Variants in C9orf57 observed in about 807,000 individuals in gnomAD.
The protein encoded by C9orf57 is uncharacterized protein C9orf57.
Under a neutral mutation model 12.9 loss-of-function variants are expected in C9orf57, and 12 were observed. The ratio of observed to expected loss-of-function variants is 0.93; its 90% CI spans 0.60 to 1.51. The LOEUF (loss-of-function observed/expected upper bound fraction) is 1.51, where lower values mean the gene tolerates loss of function less well. Ranked by LOEUF, C9orf57 falls within the 40% of genes most tolerant of loss-of-function variation. The pLI is 0.00. For synonymous variants in C9orf57, 49 were observed against 57.1 expected (o/e 0.86, Z 0.64); for missense variants, 141 against 162.8 (o/e 0.87, Z 0.73).
At chr9:72,059,480 A>G in intron 1 of C9orf57, 96 bp from the exon 2 acceptor site, 2 of 1,368,002 alleles carry the variant, frequency 1.5e-6, no homozygotes, top group Non-Finnish European at 2.0e-6. Context: ...AATATAAATA[A>G]GTTTATTTTG....
intron 1 of C9orf57, 69 bp from the exon 2 acceptor site, chr9:72,059,453 A>G (rs1350161668): frequency 2.8e-6 from 4 of 1,454,112 alleles, no homozygotes; most frequent in Non-Finnish European, 3.7e-6. Flanking sequence ...GTTAAGTTTT[A>G]TTGATTTCAT....
chr9:72,059,283 C>T lies in C9orf57; in HGVS notation c.49G>A (p.Val17Ile). Residue 17 changes from valine (V) to isoleucine (I), a missense_variant, in exon 2 of 5, where the codon GTT becomes ATT. Physicochemically the swap from Val to Ile is conservative, Grantham distance 29. Coordinates refer to ENST00000651200, the MANE Select transcript of C9orf57 (RefSeq NM_001128618.2). ...AGVILFRLLG[V>I]ILFRLLGVIL... ...ACACCTAAGAGGCGGAATAAGATAA[C>T]ACCTAAGAGGCGGAATAAGATAACA... 1 of 1,551,746 alleles carries T rather than the reference C, an allele frequency of 6.4e-7. No individual in the cohort carries two copies. The highest frequency in any genetic ancestry group is 8.7e-7 in the Non-Finnish European group (1 of 1,147,000).
intron 1 of C9orf57, 68 bp from the exon 2 acceptor site, chr9:72,059,452 T>C: frequency 6.8e-7 from 1 of 1,476,846 alleles, no homozygotes; most frequent in Non-Finnish European, 9.1e-7. Context: ...GGTTAAGTTT[T>C]ATTGATTTCA....
In C9orf57 at chr9:72,052,409, C is replaced by T; in HGVS notation, c.307G>A (p.Gly103Ser). Reference sequence around the variant, plus strand: ...CACTCTGATGTGTTCTTTGTGCAGCCTTTGACTGAATACCATTGAATGCCA... The same window carrying T: ...CACTCTGATGTGTTCTTTGTGCAGCTTTTGACTGAATACCATTGAATGCCA... ...QGGIQWYSVK[G>S]CTKNTSECFK... is the part of the protein sequence containing the mutation. Residue 103 changes from glycine (G) to serine (S), a missense_variant, in exon 5 of 5, where the codon GGC (glycine) becomes AGC (serine). Transcript: ENST00000651200. 6.4e-7 allele frequency: 1 copy of T among 1,552,190 alleles called. No homozygotes were observed. The highest frequency in any genetic ancestry group is 2.4e-5 in the East Asian group (1 of 40,902).
At position 72,060,238 on chromosome 9, in the gene C9orf57, G is replaced by T. The variant is rs144001757; in HGVS notation, c.-54+259C>A. Among the ~76,000 whole-genome samples, 579 of 152,148 alleles carry T rather than the reference G, an allele frequency of 3.8e-3. 3 individuals carry two copies. Among genetic ancestry groups the T allele is most frequent in the African/African-American group, 0.013 (556 of 41,504 alleles). ...ATTTTTGTATTTTTAGTAAAGACGG[G>T]GTTTCACCATGTTGGCCAGGATGGT... On this transcript the variant is annotated intron_variant, in intron 1 of 4. Coordinates refer to ENST00000651200, the MANE Select transcript of C9orf57 (RefSeq NM_001128618.2).
At chr9:72,060,186 A>G (rs998205764) in intron 1 of C9orf57, among the ~76,000 whole-genome samples, 5 of 152,104 alleles carry the variant, frequency 3.3e-5, no homozygotes, top group African/African-American at 9.7e-5. Flanking sequence ...AGCTGGGATT[A>G]CAGGCGCATG....
intron 2 of C9orf57, among the ~76,000 whole-genome samples, chr9:72,058,586 C>T (rs904122516): frequency 2.0e-5 from 3 of 152,208 alleles, no homozygotes; most frequent in Non-Finnish European, 4.4e-5. Flanking sequence ...TCTGAGTGCT[C>T]ACAGTTTCCA....
rs114696841 is a variant in C9orf57, at chr9:72,053,621, G to A, written c.281-1186C>T. Among the ~76,000 whole-genome samples the A allele has an allele frequency of 1.2e-3, 176 of 152,220 alleles. 1 individual carries two copies. The highest frequency in any genetic ancestry group is 4.0e-3 in the African/African-American group (166 of 41,540). ...AAGAAGGGGCTGTGACTAGCAGAGG[G>A]GAGAACTGACCTTGGAGAGGGGACC... On this transcript the variant is annotated intron_variant, in intron 4 of 4. Coordinates refer to ENST00000651200, the MANE Select transcript of C9orf57 (RefSeq NM_001128618.2).
Position 72,052,224 on chromosome 9 carries a change from T to C in C9orf57, c.*72A>G. ...GAAGTGGGCTAATTGACAATAGCCA[T>C]CATTTTGTGATAGCCAGGTCAGGCT... On this transcript the variant is annotated 3_prime_UTR_variant, in exon 5 of 5. Coordinates refer to ENST00000651200, the MANE Select transcript of C9orf57 (RefSeq NM_001128618.2). 6.7e-7 allele frequency: 1 copy of C among 1,495,814 alleles called. No homozygotes were observed. The highest frequency in any genetic ancestry group is 9.0e-7 in the Non-Finnish European group (1 of 1,111,672). 92.7% of individuals were successfully genotyped at this position (1,495,814 alleles called of 1,614,324 possible). A position where few individuals can be genotyped will look rare whatever the true frequency, so the allele number is the denominator to read the frequency against.
chr9:72,055,323 T>C (rs1279120268), intron 4 of C9orf57, among the ~76,000 whole-genome samples: 2 of 150,718 alleles, frequency 1.3e-5, no homozygotes, highest in Non-Finnish European at 3.0e-5. Flanking sequence ...TCTTTCTCTC[T>C]TTCTCTTTCC....
chr9:72,056,232 G>A lies in C9orf57; in HGVS notation c.158-36C>T, dbSNP rs567542112. On this transcript the variant is annotated intron_variant, in intron 3 of 4. Coordinates refer to ENST00000651200, the MANE Select transcript of C9orf57 (RefSeq NM_001128618.2). ...AGGGGCAGAAAAATGAGAAAGTAGT[G>A]ATAGATACGAGAGAGAAAACGAGGA... 5.9e-6 allele frequency: 9 copies of A among 1,533,218 alleles called. No individual in the cohort carries two copies. The South Asian group carries it at 9.9e-5, about 17-fold the overall frequency. The allele number at this position is 1,533,218 out of a possible 1,614,324, so 95.0% of individuals were successfully genotyped here.
chr9:72,055,440 T>G (rs531543051), intron 4 of C9orf57, among the ~76,000 whole-genome samples: 1 of 118,970 alleles, frequency 8.4e-6, no homozygotes, highest in Non-Finnish European at 1.7e-5. Context: ...TTCCTTCCTT[T>G]TCGAGACATG....
chr9:72,056,329 T>A (rs1167019809), intron 3 of C9orf57, 133 bp from the exon 4 acceptor site: 1 of 362,950 alleles, frequency 2.8e-6, no homozygotes, highest in Non-Finnish European at 4.2e-6. Context: ...ATATATATAT[T>A]TTATGTTATA....
rs12344321 is a variant in C9orf57, at chr9:72,059,108, C to A, written c.97+127G>T. 5,200 of 1,242,938 alleles carry A rather than the reference C, an allele frequency of 4.2e-3. 196 individuals are homozygous for A. In the African/African-American group the frequency reaches 0.071, roughly 17 times the overall value. The allele number at this position is 1,242,938 out of a possible 1,614,324, so 77.0% of individuals were successfully genotyped here. Reference sequence around the variant, plus strand: ...GTCAGGCTGGTCTTGAACTCCCGACCTCAGACCTGATCCACCCGCCTCAGC... The same window carrying A: ...GTCAGGCTGGTCTTGAACTCCCGACATCAGACCTGATCCACCCGCCTCAGC... On this transcript the variant is annotated intron_variant, in intron 2 of 4. Coordinates refer to ENST00000651200, the MANE Select transcript of C9orf57 (RefSeq NM_001128618.2).
chr9:72,060,385 T>C lies in C9orf57; in HGVS notation c.-54+112A>G, dbSNP rs1824310442. ...ATACTTTCACTGCAAAAGACCTTAT[T>C]TATGAGGGAAAAGCATTATGTGATA... On this transcript the variant is annotated intron_variant, in intron 1 of 4. Coordinates refer to ENST00000651200, the MANE Select transcript of C9orf57 (RefSeq NM_001128618.2). 3 of 665,740 alleles carry C rather than the reference T, an allele frequency of 4.5e-6. No individual in the cohort carries two copies. In the Admixed American group the frequency reaches 7.4e-5, roughly 16 times the overall value. The allele number at this position is 665,740 out of a possible 1,614,324, so 41.2% of individuals were successfully genotyped here. A position where few individuals can be genotyped will look rare whatever the true frequency, so the allele number is the denominator to read the frequency against.
Position 72,056,666 on chromosome 9 carries a change from T to C in C9orf57, c.157+118A>G, listed in dbSNP as rs987886087. The C allele has an allele frequency of 2.7e-4, 264 of 973,894 alleles. 1 individual carries two copies. The highest frequency in any genetic ancestry group is 3.7e-4 in the Non-Finnish European group (250 of 680,116). 60.3% of individuals were successfully genotyped at this position (973,894 alleles called of 1,614,324 possible). A position where few individuals can be genotyped will look rare whatever the true frequency, so the allele number is the denominator to read the frequency against. On this transcript the variant is annotated intron_variant, in intron 3 of 4. Transcript: ENST00000651200. ...CATCCAGCTCTTTTCATTGTTTTGT[T>C]GGTGTAATGTAGCCCTGGCAAAGCC... is the stretch of plus-strand genomic sequence containing the variant.
chr9:72,056,939 C>T (rs1824217498), intron 2 of C9orf57, 96 bp from the exon 3 acceptor site: 1 of 976,108 alleles, frequency 1.0e-6, no homozygotes, highest in African/African-American at 1.7e-5. Context: ...GACAGGGTTG[C>T]ACTCCTGTTA....
chr9:72,056,361 A>T (rs968773598), intron 3 of C9orf57, among the ~76,000 whole-genome samples, 165 bp from the exon 4 acceptor site: 12 of 147,782 alleles, frequency 8.1e-5, no homozygotes, highest in African/African-American at 2.7e-4. Context: ...TATATATTTT[A>T]TTTTTTTTTA....
intron 2 of C9orf57, among the ~76,000 whole-genome samples, chr9:72,057,823 A>C (rs1327166915): frequency 6.6e-6 from 1 of 152,198 alleles, no homozygotes; most frequent in Non-Finnish European, 1.5e-5. Context: ...TAATGTTTAC[A>C]TATTGGTTAT....
Sources: gnomAD v4.1 joint callset for allele counts (sites outside exome capture counted in the v4.1 genomes callset) on GRCh38, gnomAD v4.1.1 for gene constraint, MANE v1.5 for transcripts, NCBI Gene and HGNC (gene_info 2026-07-23, HGNC 2026-07-21) for gene names.